SH3RF3: variants seen among roughly 807,000 people sequenced by gnomAD.
The protein encoded by SH3RF3 is E3 ubiquitin-protein ligase SH3RF3.
In SH3RF3, 29 loss-of-function variants were observed where a neutral mutation model predicts 66.3. The observed-to-expected ratio is 0.44, with a 90% CI of 0.33 to 0.60. The LOEUF (loss-of-function observed/expected upper bound fraction) is 0.60, where lower values mean the gene tolerates loss of function less well. Ranked by LOEUF, SH3RF3 falls within the 20% of genes least tolerant of loss-of-function variation. SH3RF3 has a pLI of 0.04. For synonymous variants in SH3RF3, 583 were observed against 532.0 expected, an observed-to-expected ratio of 1.10 and a Z score of -1.32; for missense variants, 1,194 against 1,190.9, an observed-to-expected ratio of 1.00 and a Z score of -0.04.
At chr2:109,312,390 T>C (rs1228418996) in intron 1 of SH3RF3, among the ~76,000 whole-genome samples, 2 of 152,200 alleles carry the variant, frequency 1.3e-5, no homozygotes, top group East Asian at 3.9e-4. Context: ...TGAAAGTCAT[T>C]ATAAAGTGTG....
chr2:109,372,108 G>A (rs532293600), intron 3 of SH3RF3, among the ~76,000 whole-genome samples: 9 of 152,314 alleles, frequency 5.9e-5, no homozygotes, highest in African/African-American at 2.2e-4. Flanking sequence ...GGAAGGAACC[G>A]TTGCTGGCCA....
At chr2:109,461,306 A>G (rs1678203001) in intron 8 of SH3RF3, among the ~76,000 whole-genome samples, 2 of 152,258 alleles carry the variant, frequency 1.3e-5, no homozygotes, top group African/African-American at 2.4e-5. Flanking sequence ...GCCCAGTGGC[A>G]GACCAAGAAC....
intron 1 of SH3RF3, among the ~76,000 whole-genome samples, chr2:109,225,437 C>G (rs1679352119): frequency 6.6e-6 from 1 of 152,220 alleles, no homozygotes; most frequent in African/African-American, 2.4e-5. Flanking sequence ...GATTCTCACA[C>G]AAACAACTCC....
intron 2 of SH3RF3, among the ~76,000 whole-genome samples, chr2:109,351,683 T>TG (rs1328889036): frequency 6.6e-6 from 1 of 152,196 alleles, no homozygotes; most frequent in African/African-American, 2.4e-5. Flanking sequence ...CCGCTGATCA[T>TG]GGAATCACTT....
At chr2:109,191,096 C>G (rs1273199778) in intron 1 of SH3RF3, among the ~76,000 whole-genome samples, 1 of 152,064 alleles carries the variant, frequency 6.6e-6, no homozygotes, top group Non-Finnish European at 1.5e-5. Context: ...CTGTAGACAG[C>G]ATATCAAGTG....
intron 8 of SH3RF3, among the ~76,000 whole-genome samples, chr2:109,481,121 G>C (rs577900771): frequency 1.2e-3 from 190 of 152,332 alleles, no homozygotes; most frequent in African/African-American, 4.2e-3. Flanking sequence ...AGAAAGGCAG[G>C]AGAAGAAACC....
chr2:109,445,315 C>T (rs889126507), intron 7 of SH3RF3, among the ~76,000 whole-genome samples: 15 of 152,158 alleles, frequency 9.9e-5, no homozygotes, highest in Admixed American at 2.0e-4. Context: ...GGGCTCAAGT[C>T]CTCACACAGA....
intron 8 of SH3RF3, among the ~76,000 whole-genome samples, chr2:109,482,165 T>G (rs957638797): frequency 7.7e-4 from 118 of 152,308 alleles, no homozygotes; most frequent in African/African-American, 2.7e-3. Flanking sequence ...TTGTTCAGCA[T>G]CTCAGAGCCT....
chr2:109,339,366 A>G (rs1011972336), intron 1 of SH3RF3, among the ~76,000 whole-genome samples: 1 of 152,164 alleles, frequency 6.6e-6, no homozygotes, highest in African/African-American at 2.4e-5. Flanking sequence ...GGTTGAAATA[A>G]GGACCTACAA....
At chr2:109,475,780 T>C (rs975637809) in intron 8 of SH3RF3, among the ~76,000 whole-genome samples, 4 of 152,208 alleles carry the variant, frequency 2.6e-5, no homozygotes, top group African/African-American at 9.7e-5. Context: ...ATCACCCTGG[T>C]TGAATTCCTG....
chr2:109,502,114 C>T lies in SH3RF3; in HGVS notation c.*443C>T, dbSNP rs1323610335. ...GGGCTGCCCTGGGCTTCCCGCGGGG[C>T]CCAGGTTGCTCTGTCACCATTCTAT... is the stretch of plus-strand genomic sequence containing the variant. On this transcript the variant is annotated 3_prime_UTR_variant, in exon 10 of 10. Transcript: ENST00000309415. The T allele has an allele frequency of 3.0e-5, 5 of 167,614 alleles. No homozygotes were observed. Among genetic ancestry groups the T allele is most frequent in the Non-Finnish European group, 6.6e-5 (5 of 76,016 alleles). The allele number at this position is 167,614 out of a possible 1,614,324, so 10.4% of individuals were successfully genotyped here. A position where few individuals can be genotyped will look rare whatever the true frequency, so the allele number is the denominator to read the frequency against.
At chr2:109,237,417 A>G (rs1291468943) in intron 1 of SH3RF3, among the ~76,000 whole-genome samples, 1 of 152,224 alleles carries the variant, frequency 6.6e-6, no homozygotes, top group Non-Finnish European at 1.5e-5. Flanking sequence ...TAACAAGTCT[A>G]TGGAGAAGGT....
chr2:109,257,415 G>C (rs545072831), intron 1 of SH3RF3, among the ~76,000 whole-genome samples: 1 of 151,704 alleles, frequency 6.6e-6, no homozygotes, highest in South Asian at 2.1e-4. Context: ...AGGGAAGGAG[G>C]GAAGGAAGGG....
intron 1 of SH3RF3, among the ~76,000 whole-genome samples, chr2:109,201,924 C>T (rs983643310): frequency 5.3e-5 from 8 of 152,134 alleles, no homozygotes; most frequent in Non-Finnish European, 7.4e-5. Flanking sequence ...TACAAGGACC[C>T]GTGGCATCAT....
intron 1 of SH3RF3, among the ~76,000 whole-genome samples, chr2:109,314,619 C>G (rs1042716747): frequency 4.6e-5 from 7 of 152,250 alleles, no homozygotes; most frequent in Non-Finnish European, 1.5e-5. Context: ...CTGTCACTCT[C>G]CATGGTCTTT....
At chr2:109,364,502 C>T (rs1683120015) in intron 2 of SH3RF3, among the ~76,000 whole-genome samples, 1 of 152,226 alleles carries the variant, frequency 6.6e-6, no homozygotes, top group Non-Finnish European at 1.5e-5. Flanking sequence ...TCTCTTCAAA[C>T]TGTGGGGTTT....
chr2:109,483,668 C>T (rs1282241456), intron 8 of SH3RF3, among the ~76,000 whole-genome samples: 2 of 152,222 alleles, frequency 1.3e-5, no homozygotes, highest in Admixed American at 6.5e-5. Flanking sequence ...CAAGGCTGGA[C>T]ACACAAAGGA....
At chr2:109,438,385 C>T (rs1446259030) in intron 7 of SH3RF3, among the ~76,000 whole-genome samples, 1 of 152,148 alleles carries the variant, frequency 6.6e-6, no homozygotes, top group Non-Finnish European at 1.5e-5. Flanking sequence ...TCAGTGGGTG[C>T]AGGTGGACTT....
At chr2:109,399,056 C>T (rs1476809309) in intron 4 of SH3RF3, 113 bp downstream of exon 4, 3 of 1,224,196 alleles carry the variant, frequency 2.5e-6, no homozygotes, top group Non-Finnish European at 3.4e-6. Context: ...CCCAGAACTG[C>T]CTTTTGGGGT....
Sources: allele counts gnomAD v4.1 joint callset (sites outside exome capture counted in the v4.1 genomes callset), GRCh38; gene constraint gnomAD v4.1.1; transcripts MANE v1.5; gene names NCBI Gene and HGNC (gene_info 2026-07-23, HGNC 2026-07-21).